The following EFCAB6 variants were observed in gnomAD, a reference collection of about 807,000 sequenced individuals.
EFCAB6 encodes the protein EF-hand calcium-binding domain-containing protein 6.
In EFCAB6, 156 loss-of-function variants were observed where a neutral mutation model predicts 169.8. The observed-to-expected ratio is 0.92, with a 90% CI of 0.81 to 1.05. The LOEUF is 1.05. Ranked by LOEUF, EFCAB6 falls within the 50% of genes least tolerant of loss-of-function variation. The pLI is 0.00. For synonymous variants in EFCAB6, 698 were observed against 676.4 expected (o/e 1.03, Z -0.50); for missense variants, 1,800 against 1,829.1 (o/e 0.98, Z 0.29).
chr22:43,730,228 C>G (rs867728631), intron 8 of EFCAB6, among the ~76,000 whole-genome samples: 2 of 572 alleles, frequency 3.5e-3, no homozygotes, highest in South Asian at 0.05. Flanking sequence ...AAAAGGAGGG[C>G]AGGAGGGAAG....
At chr22:43,619,042 C>G (rs910190624) in intron 20 of EFCAB6, among the ~76,000 whole-genome samples, 1 of 151,990 alleles carries the variant, frequency 6.6e-6, no homozygotes, top group South Asian at 2.1e-4. Flanking sequence ...TTGGGGGCTA[C>G]AGAGTGTGGG....
intron 17 of EFCAB6, among the ~76,000 whole-genome samples, chr22:43,650,851 C>T (rs1263249074): frequency 6.6e-6 from 1 of 152,082 alleles, no homozygotes; most frequent in Non-Finnish European, 1.5e-5. Context: ...TTGCCTCTGC[C>T]CTAGAGATTT....
chr22:43,602,212 C>A (rs910742937), intron 22 of EFCAB6, among the ~76,000 whole-genome samples: 1 of 152,238 alleles, frequency 6.6e-6, no homozygotes, highest in Non-Finnish European at 1.5e-5. Context: ...CCCTGCAGAC[C>A]TTTTCAGGTG....
chr22:43,745,215 A>G (rs1439884743), intron 6 of EFCAB6, among the ~76,000 whole-genome samples: 1 of 152,172 alleles, frequency 6.6e-6, no homozygotes, highest in Non-Finnish European at 1.5e-5. Flanking sequence ...GAAAACTGTG[A>G]ACTCAAATAA....
Position 43,628,767 on chromosome 22 carries a change from AGCCCT to A in EFCAB6, c.2233-2093_2233-2089del. 6.6e-6 allele frequency among the ~76,000 whole-genome samples: 1 copy of A among 152,100 alleles called. No individual in the cohort carries two copies. Among genetic ancestry groups the A allele is most frequent in the Non-Finnish European group, 1.5e-5 (1 of 68,030 alleles). ...CCTGACTCCTCTGTACAATGGCACC[AGCCCT>A]GACTGGCCTCCCACGATCCTCTACT... On this transcript the variant is annotated intron_variant, in intron 19 of 31. Coordinates refer to ENST00000262726, the MANE Select transcript of EFCAB6 (RefSeq NM_022785.4). The surrounding 1 kb of genome is among the most constrained non-coding windows in gnomAD (Gnocchi z 4.8).
At chr22:43,532,280 C>T (rs549382826) in intron 30 of EFCAB6, among the ~76,000 whole-genome samples, 17 of 152,224 alleles carry the variant, frequency 1.1e-4, no homozygotes, top group African/African-American at 1.7e-4. Context: ...TTGCTGAGGA[C>T]GGACAGTGCA....
intron 5 of EFCAB6, among the ~76,000 whole-genome samples, chr22:43,758,356 T>A (rs866160010): frequency 6.6e-6 from 1 of 152,190 alleles, no homozygotes; most frequent in Non-Finnish European, 1.5e-5. Flanking sequence ...GATTGAGTAT[T>A]TTAAAATCAT....
chr22:43,537,340 G>A lies in EFCAB6; in HGVS notation c.4048+37C>T. The A allele has an allele frequency of 6.2e-7, 1 of 1,606,934 alleles. No homozygotes were observed. The highest frequency in any genetic ancestry group is 8.5e-7 in the Non-Finnish European group (1 of 1,175,270). On this transcript the variant is annotated intron_variant, in intron 29 of 31. Coordinates refer to ENST00000262726, the MANE Select transcript of EFCAB6 (RefSeq NM_022785.4). This position sits in a 1 kb window ranked among gnomAD's most constrained non-coding sequence, Gnocchi z 4.3. Reference sequence around the variant, plus strand: ...GGAACAGCCTCTTGCCACAGGGGCTGACCACATATTACCAAGCAGATAGAA... The same window carrying A: ...GGAACAGCCTCTTGCCACAGGGGCTAACCACATATTACCAAGCAGATAGAA...
chr22:43,782,248 C>T lies in EFCAB6; in HGVS notation c.71G>A (p.Arg24Lys), dbSNP rs147913121. ...TACTCTACACGGTGAAGAATGGGGT[C>T]TTGAATGTGTAAATTTTCGTGTGTG... ...HPHTRKFTHS[R>K]PHSSPCRVYS... The change falls in exon 3 of 32, where the codon AGA (arginine) becomes AAA (lysine). Residue 24 changes from arginine (R) to lysine (K), a missense_variant. Transcript: ENST00000262726. 1.5e-4 allele frequency: 243 copies of T among 1,614,028 alleles called. 1 individual carries two copies. In the South Asian group the frequency reaches 1.8e-3, roughly 12 times the overall value.
chr22:43,754,454 G>C (rs940332797), intron 6 of EFCAB6, among the ~76,000 whole-genome samples: 2 of 152,180 alleles, frequency 1.3e-5, no homozygotes, highest in African/African-American at 2.4e-5. Flanking sequence ...GTGCTGGCTG[G>C]AACACACGGC....
chr22:43,668,916 T>G lies in EFCAB6; in HGVS notation c.1770A>C (p.Glu590Asp), dbSNP rs755569176. 1.1e-5 allele frequency: 17 copies of G among 1,608,822 alleles called. No homozygotes were observed. The highest frequency in any genetic ancestry group is 1.4e-5 in the Non-Finnish European group (17 of 1,177,824). The part of the protein sequence containing the change: ...VLVPKDQLLS[E>D]HLQKDEQQQP... ...GCTGCTGTTCATCTTTTTGTAAATG[T>G]TCACTTAACAGCTGATCCTTTGGAA... Residue 590 changes from glutamate to aspartate, a missense_variant, in exon 16 of 32, where the codon GAA (glutamate) becomes GAC (aspartate). Transcript: ENST00000262726.
intron 17 of EFCAB6, among the ~76,000 whole-genome samples, chr22:43,637,750 G>A (rs1030770983): frequency 6.6e-6 from 1 of 152,224 alleles, no homozygotes; most frequent in South Asian, 2.1e-4. Flanking sequence ...CTCTGCAGAG[G>A]AGCCTGTCCC....
chr22:43,803,847 T>C (rs2062819416), intron 2 of EFCAB6, among the ~76,000 whole-genome samples: 1 of 152,188 alleles, frequency 6.6e-6, no homozygotes, highest in Non-Finnish European at 1.5e-5. Flanking sequence ...TTACAGAACA[T>C]TTCACCCACT....
intron 15 of EFCAB6, among the ~76,000 whole-genome samples, 182 bp from the exon 16 acceptor site, chr22:43,669,227 C>T (rs1468210304): frequency 6.6e-6 from 1 of 152,178 alleles, no homozygotes; most frequent in Non-Finnish European, 1.5e-5. Context: ...AAATGTGTGT[C>T]TACACAAATA....
At chr22:43,534,271 C>A (rs971888346) in intron 30 of EFCAB6, among the ~76,000 whole-genome samples, 1 of 152,158 alleles carries the variant, frequency 6.6e-6, no homozygotes, top group African/African-American at 2.4e-5. Context: ...CCACTTCACT[C>A]TCTCTCTCAC....
chr22:43,556,924 T>G (rs889474245), intron 26 of EFCAB6, among the ~76,000 whole-genome samples: 10 of 152,244 alleles, frequency 6.6e-5, no homozygotes, highest in South Asian at 2.1e-4. Context: ...CAGTTGCAAA[T>G]GCACTTCTCA....
intron 5 of EFCAB6, among the ~76,000 whole-genome samples, chr22:43,761,743 C>T (rs375881002): frequency 2.4e-4 from 36 of 151,464 alleles, no homozygotes; most frequent in African/African-American, 8.7e-4. Flanking sequence ...TGTTGGAGAC[C>T]TGATTCTATT....
At chr22:43,710,918 G>C (rs1242323478) in intron 10 of EFCAB6, among the ~76,000 whole-genome samples, 1 of 152,188 alleles carries the variant, frequency 6.6e-6, no homozygotes, top group Non-Finnish European at 1.5e-5. Flanking sequence ...AATGCAGATT[G>C]TAAGAAAGCC....
intron 6 of EFCAB6, among the ~76,000 whole-genome samples, chr22:43,742,179 A>G (rs2060398247): frequency 6.6e-6 from 1 of 152,216 alleles, no homozygotes; most frequent in African/African-American, 2.4e-5. Flanking sequence ...CCTGCAAGCT[A>G]AGAATGGTTT....
Sources: gnomAD v4.1 joint callset for allele counts (sites outside exome capture counted in the v4.1 genomes callset) on GRCh38, gnomAD v4.1.1 for gene constraint, Gnocchi (gnomAD v3.1) non-coding constraint, MANE v1.5 for transcripts, NCBI Gene and HGNC (gene_info 2026-07-23, HGNC 2026-07-21) for gene names.